ERBB4: variants seen among roughly 807,000 people sequenced by gnomAD.
ERBB4 encodes receptor tyrosine-protein kinase erbB-4.
Under a neutral mutation model 158.0 loss-of-function variants are expected in ERBB4, and 42 were observed. The observed-to-expected ratio is 0.27, with a 90% CI of 0.21 to 0.34. ERBB4 has a LOEUF of 0.34. Among genes scored for constraint, ERBB4 ranks in the 10% least tolerant of loss-of-function variants. The pLI is 1.00. For missense variants in ERBB4, 1,333 were observed against 1,624.1 expected (o/e 0.82, Z 3.08); for synonymous variants, 583 against 558.7 (o/e 1.04, Z -0.61).
intron 1 of ERBB4, among the ~76,000 whole-genome samples, chr2:212,451,949 A>G (rs998703684): frequency 2.0e-5 from 3 of 152,012 alleles, no homozygotes; most frequent in Non-Finnish European, 4.4e-5. Flanking sequence ...GCACAATAGA[A>G]CAACAGAAGG....
At chr2:212,127,570 C>T (rs900724346) in intron 1 of ERBB4, among the ~76,000 whole-genome samples, 3 of 152,172 alleles carry the variant, frequency 2.0e-5, no homozygotes, top group South Asian at 2.1e-4. Context: ...CCAGCCTGGG[C>T]AACAGAGCGA....
chr2:212,295,652 G>A (rs1301391618), intron 1 of ERBB4, among the ~76,000 whole-genome samples: 1 of 152,014 alleles, frequency 6.6e-6, no homozygotes, highest in Non-Finnish European at 1.5e-5. Context: ...CTATGGTATT[G>A]TACCAGTTAC....
At chr2:211,746,507 T>C (rs60712432) in intron 5 of ERBB4, among the ~76,000 whole-genome samples, 3,079 of 152,154 alleles carry the variant, frequency 0.02, 90 homozygotes, top group African/African-American at 0.068. Flanking sequence ...CAAGACTTCC[T>C]CCCACCTGTG....
chr2:212,407,469 A>T (rs1406158005), intron 1 of ERBB4, among the ~76,000 whole-genome samples: 3 of 152,116 alleles, frequency 2.0e-5, no homozygotes, highest in African/African-American at 7.2e-5. Context: ...AAGGTTACAA[A>T]GCTAGTAAAT....
intron 1 of ERBB4, among the ~76,000 whole-genome samples, chr2:212,482,894 C>T (rs1179814487): frequency 5.9e-5 from 9 of 152,162 alleles, no homozygotes; most frequent in Non-Finnish European, 1.3e-4. Context: ...AGTGCTGGGA[C>T]TACAGGCGTG....
chr2:211,617,826 A>T (rs962745577), intron 19 of ERBB4, among the ~76,000 whole-genome samples: 1 of 152,124 alleles, frequency 6.6e-6, no homozygotes. Context: ...ATCATTTTTC[A>T]TATGAAGGTC....
chr2:212,314,571 C>A (rs1410888983), intron 1 of ERBB4, among the ~76,000 whole-genome samples: 1 of 150,060 alleles, frequency 6.7e-6, no homozygotes, highest in Non-Finnish European at 1.5e-5. Flanking sequence ...AAAAAAAATC[C>A]AAAATAACCA....
intron 2 of ERBB4, among the ~76,000 whole-genome samples, chr2:211,983,041 T>C (rs2081847864): frequency 1.3e-5 from 2 of 152,212 alleles, no homozygotes; most frequent in Admixed American, 1.3e-4. Flanking sequence ...TTCTCCTTTA[T>C]ACCATATCAT....
At chr2:212,141,856 T>A (rs1024191494) in intron 1 of ERBB4, among the ~76,000 whole-genome samples, 1 of 152,186 alleles carries the variant, frequency 6.6e-6, no homozygotes, top group African/African-American at 2.4e-5. Context: ...TTATATCAGA[T>A]ATAAAACAAT....
intron 1 of ERBB4, among the ~76,000 whole-genome samples, chr2:212,431,638 A>G (rs1281949594): frequency 6.6e-6 from 1 of 152,208 alleles, no homozygotes; most frequent in Non-Finnish European, 1.5e-5. Context: ...TAAAAGCCAA[A>G]GTCTACTACA....
intron 19 of ERBB4, among the ~76,000 whole-genome samples, chr2:211,595,618 A>T (rs2125801976): frequency 6.6e-6 from 1 of 152,316 alleles, no homozygotes; most frequent in South Asian, 2.1e-4. Context: ...TTAGACTACT[A>T]CTAACAGACC....
chr2:212,416,651 A>G (rs2091660833), intron 1 of ERBB4, among the ~76,000 whole-genome samples: 1 of 151,992 alleles, frequency 6.6e-6, no homozygotes, highest in African/African-American at 2.4e-5. Context: ...ATGAAACACC[A>G]AGTTCAACCC....
At chr2:211,621,106 C>A (rs1010463332) in intron 18 of ERBB4, among the ~76,000 whole-genome samples, 1 of 152,014 alleles carries the variant, frequency 6.6e-6, no homozygotes, top group East Asian at 1.9e-4. Flanking sequence ...CAGAGCAAGA[C>A]CCTGTCTCAA....
intron 1 of ERBB4, among the ~76,000 whole-genome samples, chr2:212,493,388 T>C (rs1157642157): frequency 6.6e-6 from 1 of 151,530 alleles, no homozygotes; most frequent in African/African-American, 2.4e-5. Flanking sequence ...CATCATCAAG[T>C]ATTTTTAAAT....
intron 2 of ERBB4, among the ~76,000 whole-genome samples, chr2:212,073,594 C>G (rs1335615493): frequency 6.6e-6 from 1 of 151,910 alleles, no homozygotes; most frequent in African/African-American, 2.4e-5. Context: ...CTCCCATTGG[C>G]TAAATACAAC....
Position 211,664,070 on chromosome 2 carries a change from T to G in ERBB4, c.1871+1253A>C, listed in dbSNP as rs1305258259. 2.0e-5 allele frequency among the ~76,000 whole-genome samples: 3 copies of G among 152,258 alleles called. No individual in the cohort carries two copies. In the South Asian group the frequency reaches 6.2e-4, roughly 32 times the overall value. On this transcript the variant is annotated intron_variant, in intron 15 of 27. Transcript: ENST00000342788. ...GGCAATTACCACTTCCAAGGTGAATTTGAATTTGAATGGCAGAATATTACT... is the reference window on the plus strand; with the variant it reads ...GGCAATTACCACTTCCAAGGTGAATGTGAATTTGAATGGCAGAATATTACT...
At chr2:211,900,213 C>T (rs775284956) in intron 3 of ERBB4, among the ~76,000 whole-genome samples, 2 of 152,084 alleles carry the variant, frequency 1.3e-5, no homozygotes, top group African/African-American at 2.4e-5. Flanking sequence ...AAACATTAAG[C>T]GGCTCTTGCA....
At chr2:212,474,546 G>A (rs979177666) in intron 1 of ERBB4, among the ~76,000 whole-genome samples, 2 of 152,052 alleles carry the variant, frequency 1.3e-5, no homozygotes, top group South Asian at 4.1e-4. Flanking sequence ...GGGCTTTGGA[G>A]ACCTGTATTC....
intron 2 of ERBB4, among the ~76,000 whole-genome samples, chr2:212,036,051 T>C (rs560733600): frequency 6.6e-6 from 1 of 152,300 alleles, no homozygotes; most frequent in South Asian, 2.1e-4. Flanking sequence ...TTAAGTAAAA[T>C]TGTTATCCAT....
Sources: gnomAD v4.1 joint callset for allele counts (sites outside exome capture counted in the v4.1 genomes callset) on GRCh38, gnomAD v4.1.1 for gene constraint, MANE v1.5 for transcripts, NCBI Gene and HGNC (gene_info 2026-07-23, HGNC 2026-07-21) for gene names.